Variants in EPM2A observed in about 807,000 individuals in gnomAD.
EPM2A encodes the protein EPM2A glucan phosphatase, laforin, also known as laforin.
In EPM2A, 21 loss-of-function variants were observed where a neutral mutation model predicts 26.5. The ratio of observed to expected loss-of-function variants is 0.79; its 90% CI spans 0.56 to 1.14. The LOEUF (loss-of-function observed/expected upper bound fraction) is 1.14. Among genes scored for constraint, EPM2A ranks in the 50% most tolerant of loss-of-function variants. The pLI, the probability that EPM2A is intolerant of heterozygous loss-of-function variation, is 0.00. For missense variants in EPM2A, 458 were observed against 440.8 expected (o/e 1.04, Z -0.35); for synonymous variants, 217 against 177.6 (o/e 1.22, Z -1.76).
chr6:145,464,764 T>G (rs1394261951), intron 4 of EPM2A, among the ~76,000 whole-genome samples: 1 of 152,118 alleles, frequency 6.6e-6, no homozygotes, highest in Non-Finnish European at 1.5e-5. Flanking sequence ...TAGGTAGATA[T>G]GACAACTCTC....
At chr6:145,619,630 T>C (rs1775587920) in intron 2 of EPM2A, among the ~76,000 whole-genome samples, 1 of 152,070 alleles carries the variant, frequency 6.6e-6, no homozygotes, top group East Asian at 1.9e-4. Flanking sequence ...AAGCTAGAAA[T>C]GGGGTGGAGT....
intron 2 of EPM2A, among the ~76,000 whole-genome samples, chr6:145,580,197 C>G (rs1283650671): frequency 6.6e-6 from 1 of 152,088 alleles, no homozygotes; most frequent in Admixed American, 6.5e-5. Context: ...GCCTGAAGGA[C>G]TTCCTCCAAA....
chr6:145,511,280 A>C (rs2114763021), intron 2 of EPM2A, among the ~76,000 whole-genome samples: 1 of 152,298 alleles, frequency 6.6e-6, no homozygotes, highest in Non-Finnish European at 1.5e-5. Context: ...CCTGACGTCA[A>C]AATCTTGCAA....
At position 145,678,712 on chromosome 6, in the gene EPM2A, G is replaced by A. The variant is rs191028976; in HGVS notation, c.476+7410C>T. On this transcript the variant is annotated intron_variant, in intron 2 of 3. Transcript: ENST00000367519. ...AAACCACAATGAGATACCATCTCAC[G>A]CCAGTTAGAATAGTGATCATTAAAA... 6.6e-5 allele frequency among the ~76,000 whole-genome samples: 10 copies of A among 152,124 alleles called. No homozygotes were observed. The South Asian group carries it at 1.0e-3, about 16-fold the overall frequency.
At position 145,522,907 on chromosome 6, in the gene EPM2A, T is replaced by C. The variant is rs756746921; in HGVS notation, c.341-20332A>G. ...CTACTTTTCTTTCTTCCAAGAATGCTCATCCTATCCCACCTCCTTCATCTG... is the reference window on the plus strand; with the variant it reads ...CTACTTTTCTTTCTTCCAAGAATGCCCATCCTATCCCACCTCCTTCATCTG... On this transcript the variant is annotated intron_variant, in intron 2 of 3. Transcript: ENST00000450221. Among the ~76,000 whole-genome samples the C allele has an allele frequency of 1.3e-5, 2 of 152,290 alleles. 1 individual carries two copies. The highest frequency in any genetic ancestry group is 3.9e-4 in the East Asian group (2 of 5,178).
chr6:145,626,065 T>C lies in EPM2A; in HGVS notation c.*1351A>G. The C allele has an allele frequency of 8.8e-7, 1 of 1,132,550 alleles. No homozygotes were observed. Among genetic ancestry groups the C allele is most frequent in the Non-Finnish European group, 1.1e-6 (1 of 907,376 alleles). The allele number at this position is 1,132,550 out of a possible 1,614,324, so 70.2% of individuals were successfully genotyped here. A position where few individuals can be genotyped will look rare whatever the true frequency, so the allele number is the denominator to read the frequency against. ...ATAATGAGACCTTCTTCATTGGATATTGTGAAGATTAAACTGGATATGATT... is the reference window on the plus strand; with the variant it reads ...ATAATGAGACCTTCTTCATTGGATACTGTGAAGATTAAACTGGATATGATT... On this transcript the variant is annotated 3_prime_UTR_variant, in exon 4 of 4. Coordinates refer to ENST00000367519, the MANE Select transcript of EPM2A (RefSeq NM_005670.4).
intron 2 of EPM2A, among the ~76,000 whole-genome samples, chr6:145,673,140 A>C (rs777137776): frequency 6.6e-6 from 1 of 152,196 alleles, no homozygotes; most frequent in Non-Finnish European, 1.5e-5. Context: ...TAAAAAAAAA[A>C]ACAATTGTTT....
At chr6:145,406,330 A>G (rs1778568901) in intron 4 of EPM2A, among the ~76,000 whole-genome samples, 1 of 152,152 alleles carries the variant, frequency 6.6e-6, no homozygotes, top group African/African-American at 2.4e-5. Context: ...TTCAAATAAC[A>G]TTTTTCTTTT....
At chr6:145,452,110 G>C (rs1360950853) in intron 4 of EPM2A, among the ~76,000 whole-genome samples, 1 of 152,118 alleles carries the variant, frequency 6.6e-6, no homozygotes, top group Admixed American at 6.5e-5. Flanking sequence ...CTGCCAGGCG[G>C]TTCCTCAGGA....
chr6:145,733,372 T>C (rs976527673), intron 1 of EPM2A, among the ~76,000 whole-genome samples: 3 of 152,108 alleles, frequency 2.0e-5, no homozygotes, highest in Non-Finnish European at 2.9e-5. Context: ...TCATAACAAG[T>C]GTGATGGTTA....
At position 145,626,039 on chromosome 6, in the gene EPM2A, G is replaced by A; in HGVS notation, c.*1377C>T. 1 of 1,141,302 alleles carries A rather than the reference G, an allele frequency of 8.8e-7. No homozygotes were observed. The highest frequency in any genetic ancestry group is 1.1e-6 in the Non-Finnish European group (1 of 897,862). The allele number at this position is 1,141,302 out of a possible 1,614,324, so 70.7% of individuals were successfully genotyped here. On this transcript the variant is annotated 3_prime_UTR_variant, in exon 4 of 4. Transcript: ENST00000367519. ...TTAGTTTCCCCATCTTTATCATGGA[G>A]ATAATGAGACCTTCTTCATTGGATA... is the stretch of plus-strand genomic sequence containing the variant.
chr6:145,449,740 A>G (rs1320169204), intron 4 of EPM2A, among the ~76,000 whole-genome samples: 1 of 152,214 alleles, frequency 6.6e-6, no homozygotes, highest in Non-Finnish European at 1.5e-5. Context: ...TCAGATTTTC[A>G]ATGGACTCTT....
At chr6:145,658,958 T>G (rs925851014) in intron 2 of EPM2A, among the ~76,000 whole-genome samples, 2 of 152,154 alleles carry the variant, frequency 1.3e-5, no homozygotes, top group African/African-American at 4.8e-5. Flanking sequence ...TAAAGTTGGA[T>G]ATGCATGAGA....
At chr6:145,571,639 G>A (rs6899772) in intron 2 of EPM2A, among the ~76,000 whole-genome samples, 12,461 of 152,290 alleles carry the variant, frequency 0.082, 548 homozygotes, top group Middle Eastern at 0.12. Context: ...AAGCAATGGT[G>A]CCATATCGAG....
At chr6:145,489,665 T>A (rs1465380671) in intron 4 of EPM2A, 5 of 1,343,526 alleles carry the variant, frequency 3.7e-6, no homozygotes, top group African/African-American at 2.9e-5. Context: ...CTGTCCTCAT[T>A]CTCTGCCTTT....
At chr6:145,480,617 C>A (rs1329052666) in intron 4 of EPM2A, among the ~76,000 whole-genome samples, 1 of 152,082 alleles carries the variant, frequency 6.6e-6, no homozygotes, top group African/African-American at 2.4e-5. Context: ...CTTGTACAAT[C>A]AAGTCCAATT....
At chr6:145,650,424 T>C (rs1020010816) in intron 2 of EPM2A, among the ~76,000 whole-genome samples, 9 of 151,860 alleles carry the variant, frequency 5.9e-5, no homozygotes, top group Non-Finnish European at 7.4e-5. Context: ...TGGTGGCACA[T>C]GCGGGTAATC....
chr6:145,632,851 T>C (rs1776366439), intron 3 of EPM2A, among the ~76,000 whole-genome samples: 1 of 152,204 alleles, frequency 6.6e-6, no homozygotes, highest in Admixed American at 6.5e-5. Context: ...TTATTAACCC[T>C]TAGATTACAC....
At chr6:145,502,630 C>A (rs1779908096) in intron 2 of EPM2A, 1 of 469,794 alleles carries the variant, frequency 2.1e-6, no homozygotes, top group African/African-American at 2.0e-5. Flanking sequence ...CAGTGCCAGC[C>A]TTGCTCAAGA....
Sources: gnomAD v4.1 joint callset for allele counts (sites outside exome capture counted in the v4.1 genomes callset) on GRCh38, gnomAD v4.1.1 for gene constraint, MANE v1.5 for transcripts, NCBI Gene and HGNC (gene_info 2026-07-23, HGNC 2026-07-21) for gene names.